The following ITPR2 variants were observed in gnomAD, a reference collection of about 807,000 sequenced individuals.
ITPR2 encodes inositol 1,4,5-trisphosphate receptor type 2, also known as inositol 1,4,5-trisphosphate-gated calcium channel ITPR2.
Under a neutral mutation model 317.1 loss-of-function variants are expected in ITPR2, and 207 were observed. That is an observed-to-expected ratio of 0.65 (90% confidence interval 0.58 to 0.73). ITPR2 has a LOEUF of 0.73. ITPR2 is among the 30% of genes least tolerant of loss of function. The pLI is 0.00. For synonymous variants in ITPR2, 1,156 were observed against 1,149.1 expected, an observed-to-expected ratio of 1.01 and a Z score of -0.12; for missense variants, 2,613 against 3,284.0, an observed-to-expected ratio of 0.80 and a Z score of 4.99.
chr12:26,647,682 G>A (rs3782302), intron 21 of ITPR2, among the ~76,000 whole-genome samples: 24,200 of 152,212 alleles, frequency 0.16, 1,982 homozygotes, highest in African/African-American at 0.2. Context: ...AGAGCAAATC[G>A]TAAGTATTAG....
intron 37 of ITPR2, among the ~76,000 whole-genome samples, chr12:26,529,653 C>T (rs1024137111): frequency 2.0e-5 from 3 of 152,194 alleles, no homozygotes; most frequent in African/African-American, 7.2e-5. Context: ...GTCTGTGGAA[C>T]CTGGAACAAG....
At chr12:26,384,302 G>A (rs1344119344) in intron 55 of ITPR2, among the ~76,000 whole-genome samples, 1 of 152,146 alleles carries the variant, frequency 6.6e-6, no homozygotes, top group Non-Finnish European at 1.5e-5. Flanking sequence ...CAGATTTTTA[G>A]ATGTTTTCCA....
Position 26,398,866 on chromosome 12 carries a change from G to A in ITPR2, c.7696+10C>T, listed in dbSNP as rs771225790. 1.0e-5 allele frequency: 16 copies of A among 1,603,124 alleles called. No homozygotes were observed. The highest frequency in any genetic ancestry group is 1.3e-5 in the African/African-American group (1 of 74,142). Reference sequence around the variant, plus strand: ...TTCATCTATTATTTTAGCATCTGCCGAACACTTACCACAGATGAAACAAGT... The same window carrying A: ...TTCATCTATTATTTTAGCATCTGCCAAACACTTACCACAGATGAAACAAGT... On this transcript the variant is annotated intron_variant, in intron 54 of 56. Coordinates refer to ENST00000381340, the MANE Select transcript of ITPR2 (RefSeq NM_002223.4).
intron 54 of ITPR2, among the ~76,000 whole-genome samples, chr12:26,390,286 T>A (rs542546000): frequency 6.6e-6 from 1 of 152,212 alleles, no homozygotes; most frequent in Non-Finnish European, 1.5e-5. Context: ...ACTGAAAATG[T>A]ATGTTCACAT....
chr12:26,732,278 CAAA>C (rs537990888), intron 2 of ITPR2, among the ~76,000 whole-genome samples: 192 of 152,304 alleles, frequency 1.3e-3, no homozygotes, highest in Non-Finnish European at 2.2e-3. Flanking sequence ...TGTTAGCACT[CAAA>C]GAAGCCTCAG....
chr12:26,350,270 A>T (rs1025098916), intron 55 of ITPR2, among the ~76,000 whole-genome samples: 1 of 152,226 alleles, frequency 6.6e-6, no homozygotes, highest in Non-Finnish European at 1.5e-5. Context: ...CAGGAAGAAC[A>T]CTGGGCTCTG....
chr12:26,557,091 A>G (rs75558581), intron 35 of ITPR2, among the ~76,000 whole-genome samples: 9,918 of 152,246 alleles, frequency 0.065, 410 homozygotes, highest in African/African-American at 0.11. Flanking sequence ...ATTGAAAAAA[A>G]AAAAATTCCC....
At chr12:26,437,001 G>A (rs1347282480) in intron 47 of ITPR2, among the ~76,000 whole-genome samples, 2 of 152,198 alleles carry the variant, frequency 1.3e-5, no homozygotes, top group Non-Finnish European at 2.9e-5. Context: ...AACACGCTTT[G>A]CTGCATATAT....
intron 2 of ITPR2, among the ~76,000 whole-genome samples, chr12:26,762,713 G>A (rs1002039775): frequency 6.6e-6 from 1 of 152,018 alleles, no homozygotes; most frequent in African/African-American, 2.4e-5. Flanking sequence ...TTTAATTCTA[G>A]TATAAAAGTT....
At chr12:26,385,563 G>A (rs965649342) in intron 55 of ITPR2, among the ~76,000 whole-genome samples, 41 of 151,984 alleles carry the variant, frequency 2.7e-4, no homozygotes, top group East Asian at 7.7e-4. Context: ...GTTTCCCCTC[G>A]TTGATGAAAT....
At chr12:26,440,872 A>G (rs1941472869) in intron 46 of ITPR2, among the ~76,000 whole-genome samples, 1 of 152,226 alleles carries the variant, frequency 6.6e-6, no homozygotes, top group Non-Finnish European at 1.5e-5. Context: ...TTTTACAAGC[A>G]GCATGGACAA....
intron 46 of ITPR2, among the ~76,000 whole-genome samples, chr12:26,442,356 G>A (rs1941505409): frequency 6.6e-6 from 1 of 152,104 alleles, no homozygotes; most frequent in Non-Finnish European, 1.5e-5. Context: ...CTATATGTGT[G>A]AATTGGTAGA....
intron 44 of ITPR2, among the ~76,000 whole-genome samples, 185 bp from the exon 45 acceptor site, chr12:26,475,603 C>T (rs1942399312): frequency 2.0e-5 from 3 of 152,196 alleles, no homozygotes; most frequent in African/African-American, 7.2e-5. Context: ...CAATATTCCC[C>T]TTTTCCTTGG....
intron 34 of ITPR2, among the ~76,000 whole-genome samples, chr12:26,567,978 T>A (rs1241832791): frequency 1.1e-3 from 29 of 27,150 alleles, no homozygotes; most frequent in African/African-American, 2.3e-3. Flanking sequence ...ATTATATATA[T>A]TATATATATA....
intron 15 of ITPR2, 150 bp from the exon 16 acceptor site, chr12:26,659,435 T>C (rs901389049): frequency 3.0e-6 from 2 of 658,254 alleles, no homozygotes; most frequent in Non-Finnish European, 5.1e-6. Flanking sequence ...TTTCAATAAA[T>C]AGAGCTTTTT....
At chr12:26,802,427 C>A (rs1436712087) in intron 1 of ITPR2, among the ~76,000 whole-genome samples, 1 of 151,878 alleles carries the variant, frequency 6.6e-6, no homozygotes, top group Non-Finnish European at 1.5e-5. Flanking sequence ...GCAGGAGGAG[C>A]ATTTGAGCTC....
intron 32 of ITPR2, among the ~76,000 whole-genome samples, chr12:26,593,572 G>A (rs1368172887): frequency 6.6e-6 from 1 of 152,178 alleles, no homozygotes; most frequent in Non-Finnish European, 1.5e-5. Flanking sequence ...ATATAAACAA[G>A]AGGGAAATAT....
In ITPR2 at chr12:26,595,972, G is replaced by A. The variant is rs148756688; in HGVS notation, c.4255-382C>T. Among the ~76,000 whole-genome samples the A allele has an allele frequency of 4.6e-5, 7 of 151,596 alleles. No individual in the cohort carries two copies. The East Asian group carries it at 9.7e-4, about 21-fold the overall frequency. ...AACAGTAGAAAAGAAAGACATTATC[G>A]CAATGTACATTCCTGGATGCCTCAT... On this transcript the variant is annotated intron_variant, in intron 31 of 56. Coordinates refer to ENST00000381340, the MANE Select transcript of ITPR2 (RefSeq NM_002223.4).
At chr12:26,594,596 A>C (rs545018202) in intron 32 of ITPR2, among the ~76,000 whole-genome samples, 150 of 152,332 alleles carry the variant, frequency 9.8e-4, no homozygotes, top group Non-Finnish European at 1.6e-3. Flanking sequence ...GGCTGAGTCC[A>C]GCCACCATCA....
Sources: allele counts gnomAD v4.1 joint callset (sites outside exome capture counted in the v4.1 genomes callset), GRCh38; gene constraint gnomAD v4.1.1; transcripts MANE v1.5; gene names NCBI Gene and HGNC (gene_info 2026-07-23, HGNC 2026-07-21).